The following KIF26B variants were observed in gnomAD, a reference collection of about 807,000 sequenced individuals.
The protein encoded by KIF26B is kinesin-like protein KIF26B.
Under a neutral mutation model 151.2 loss-of-function variants are expected in KIF26B, and 63 were observed. That is an observed-to-expected ratio of 0.42 (90% CI 0.34 to 0.51). KIF26B has a LOEUF of 0.51. Among genes scored for constraint, KIF26B ranks in the 20% least tolerant of loss-of-function variants. KIF26B has a pLI of 0.07. For synonymous variants in KIF26B, 1,357 were observed against 1,262.1 expected, an observed-to-expected ratio of 1.08 and a Z score of -1.59; for missense variants, 2,813 against 2,913.6, an observed-to-expected ratio of 0.97 and a Z score of 0.79.
Position 245,687,376 on chromosome 1 carries a change from A to G in KIF26B, c.4393A>G (p.Thr1465Ala). The G allele has an allele frequency of 1.9e-6, 3 of 1,590,142 alleles. No individual in the cohort carries two copies. Among genetic ancestry groups the G allele is most frequent in the Non-Finnish European group, 2.6e-6 (3 of 1,168,718 alleles). ...TGAAGAAGGGATGATGAGGTGTGAG[A>G]CTGCCACGGGCCCCTCGAATGCTGA... ...PNEEGMMRCE[T>A]ATGPSNAETR... is the part of the protein sequence containing the mutation. Residue 1465 changes from threonine to alanine, a missense_variant, in exon 12 of 15, where the codon ACT becomes GCT. Thr to Ala is a moderately conservative substitution (Grantham distance 58, BLOSUM62 0). Around this residue, in one of 3 missense-constraint regions of KIF26B, gnomAD observed 2,060 missense variants for 2,088.6 expected, o/e 0.99. Coordinates refer to ENST00000407071, the MANE Select transcript of KIF26B (RefSeq NM_018012.4). The surrounding 1 kb of genome is among the most constrained non-coding windows in gnomAD (Gnocchi z 4.9).
intron 4 of KIF26B, among the ~76,000 whole-genome samples, chr1:245,527,524 C>CTTTTTTTTTTTTT (rs548422038): frequency 0.018 from 896 of 50,722 alleles, 268 homozygotes; most frequent in Middle Eastern, 0.059. Context: ...TTTGGGATGG[C>CTTTTTTTTTTTTT]TTTTTTTTTT....
Position 245,488,186 on chromosome 1 carries a change from C to T in KIF26B, c.1167-52581C>T, listed in dbSNP as rs2103072528. On this transcript the variant is annotated intron_variant, in intron 4 of 14. Coordinates refer to ENST00000407071, the MANE Select transcript of KIF26B (RefSeq NM_018012.4). The surrounding 1 kb of genome is among the most constrained non-coding windows in gnomAD (Gnocchi z 4.6). ...ATCTGCCCATCTTGGCCTCCCAAAGCACTGAGATTACCAGCGTGAGCCACC... is the reference window on the plus strand; with the variant it reads ...ATCTGCCCATCTTGGCCTCCCAAAGTACTGAGATTACCAGCGTGAGCCACC... Among the ~76,000 whole-genome samples, 1 of 152,238 alleles carries T rather than the reference C, an allele frequency of 6.6e-6. No homozygotes were observed. Among genetic ancestry groups the T allele is most frequent in the African/African-American group, 2.4e-5 (1 of 41,550 alleles).
chr1:245,245,551 G>A (rs1670311399), intron 2 of KIF26B, among the ~76,000 whole-genome samples: 1 of 152,272 alleles, frequency 6.6e-6, no homozygotes, highest in East Asian at 1.9e-4. Flanking sequence ...AGCACTTTGG[G>A]AGGCCAAGGT....
intron 2 of KIF26B, among the ~76,000 whole-genome samples, chr1:245,178,187 G>A (rs1231047885): frequency 6.6e-6 from 1 of 152,198 alleles, no homozygotes; most frequent in Non-Finnish European, 1.5e-5. Context: ...TTATTCAAGT[G>A]ATGCTAGTCA....
At chr1:245,269,300 T>TCTCCCCCTCCTCCTCCCACCGAACG in intron 2 of KIF26B, among the ~76,000 whole-genome samples, 1 of 84,444 alleles carries the variant, frequency 1.2e-5, no homozygotes, top group African/African-American at 4.2e-5. Context: ...CCCTCCTCCC[T>TCTCCCCCTCCTCCTCCCACCGAACG]GCTCTGTGGC....
chr1:245,248,090 A>T (rs1476611676), intron 2 of KIF26B, among the ~76,000 whole-genome samples: 1 of 151,990 alleles, frequency 6.6e-6, no homozygotes, highest in African/African-American at 2.4e-5. Flanking sequence ...AGCCTGGGTG[A>T]GTCTGAGCCT....
At chr1:245,231,373 G>T (rs112984452) in intron 2 of KIF26B, among the ~76,000 whole-genome samples, 8,559 of 152,030 alleles carry the variant, frequency 0.056, 490 homozygotes, top group African/African-American at 0.15. Flanking sequence ...AAAATTAGCC[G>T]GGCGTGGTGG....
At chr1:245,566,566 TA>T (rs2043011813) in intron 5 of KIF26B, among the ~76,000 whole-genome samples, 1 of 152,218 alleles carries the variant, frequency 6.6e-6, no homozygotes, top group Non-Finnish European at 1.5e-5. Flanking sequence ...ACAAAGAAAT[TA>T]AGGACAGCAT....
chr1:245,229,062 G>C (rs1212379710), intron 2 of KIF26B, among the ~76,000 whole-genome samples: 1 of 152,172 alleles, frequency 6.6e-6, no homozygotes, highest in Non-Finnish European at 1.5e-5. Context: ...CGCCTCCCAG[G>C]TTCAAGCGAT....
chr1:245,684,477 A>G, intron 11 of KIF26B, 82 bp downstream of exon 11: 1 of 1,378,370 alleles, frequency 7.3e-7, no homozygotes, highest in Admixed American at 2.4e-5. Context: ...AAAAAGCCAA[A>G]TCAACGTTGC....
intron 4 of KIF26B, among the ~76,000 whole-genome samples, chr1:245,464,655 CGTGT>C (rs113838583): frequency 3.2e-5 from 4 of 126,096 alleles, no homozygotes; most frequent in Non-Finnish European, 3.4e-5. Flanking sequence ...TGTGGGTGTG[CGTGT>C]GTGTGTGTGG....
At chr1:245,160,084 G>T (rs1293349275) in intron 2 of KIF26B, among the ~76,000 whole-genome samples, 1 of 152,200 alleles carries the variant, frequency 6.6e-6, no homozygotes, top group Non-Finnish European at 1.5e-5. Context: ...CAAGACTGGC[G>T]TGTAGAAGTG....
At chr1:245,605,354 G>A (rs1455876309) in intron 6 of KIF26B, among the ~76,000 whole-genome samples, 1 of 152,222 alleles carries the variant, frequency 6.6e-6, no homozygotes, top group Non-Finnish European at 1.5e-5. Flanking sequence ...TGAAAGGAGG[G>A]AGTGTGCGGA....
Position 245,686,400 on chromosome 1 carries a change from C to T in KIF26B, c.3417C>T (p.Ser1139=), listed in dbSNP as rs2044520605. 1 of 1,613,472 alleles carries T rather than the reference C, an allele frequency of 6.2e-7. No homozygotes were observed. The highest frequency in any genetic ancestry group is 1.1e-5 in the South Asian group (1 of 91,086). Residue 1139 remains serine, a synonymous_variant, in exon 12 of 15, where the codon TCC becomes TCT. Transcript: ENST00000407071. This position sits in a 1 kb window ranked among gnomAD's most constrained non-coding sequence, Gnocchi z 5.6. The part of the protein sequence containing the change: ...VGMSPQVLKK[S]MSAGSEGFPE... The stretch of plus-strand genomic sequence containing the variant: ...TGAGCCCCCAGGTTTTGAAAAAATC[C>T]ATGTCTGCTGGGAGCGAAGGGTTCC...
intron 4 of KIF26B, among the ~76,000 whole-genome samples, chr1:245,528,556 GGGT>G (rs980098255): frequency 2.0e-4 from 31 of 152,226 alleles, no homozygotes; most frequent in African/African-American, 7.2e-4. Context: ...TTGTAGGTGT[GGGT>G]GGAGATAAAT....
At chr1:245,475,187 G>C (rs922571903) in intron 4 of KIF26B, among the ~76,000 whole-genome samples, 1 of 151,816 alleles carries the variant, frequency 6.6e-6, no homozygotes, top group Non-Finnish European at 1.5e-5. Context: ...GCACCCATCT[G>C]CTGGGTTTTG....
chr1:245,289,709 A>G (rs896638115), intron 2 of KIF26B, among the ~76,000 whole-genome samples: 3 of 144,212 alleles, frequency 2.1e-5, no homozygotes, highest in Non-Finnish European at 4.6e-5. Flanking sequence ...AGGATTCCCA[A>G]TTTTTCTGCA....
intron 2 of KIF26B, among the ~76,000 whole-genome samples, chr1:245,284,993 C>T (rs964445957): frequency 1.3e-5 from 2 of 152,216 alleles, no homozygotes; most frequent in Non-Finnish European, 2.9e-5. Flanking sequence ...GAGCAGAGAT[C>T]GTGCCACTGC....
chr1:245,266,468 G>A (rs1439496511), intron 2 of KIF26B, among the ~76,000 whole-genome samples: 1 of 152,008 alleles, frequency 6.6e-6, no homozygotes, highest in Non-Finnish European at 1.5e-5. Flanking sequence ...GTCAGTCCAG[G>A]ATTTGAATCC....
Sources: gnomAD v4.1 joint callset for allele counts (sites outside exome capture counted in the v4.1 genomes callset) on GRCh38, gnomAD v4.1.1 for gene constraint, gnomAD v4.1.1 regional missense constraint, Gnocchi (gnomAD v3.1) non-coding constraint, MANE v1.5 for transcripts, NCBI Gene and HGNC (gene_info 2026-07-23, HGNC 2026-07-21) for gene names.